ZNF611: variants seen among roughly 807,000 people sequenced by gnomAD.
The protein encoded by ZNF611 is zinc finger protein 611.
A neutral mutation model predicts 8.9 loss-of-function variants in ZNF611; 6 were observed. That is an observed-to-expected ratio of 0.68 (90% CI 0.37 to 1.34). ZNF611 has a LOEUF of 1.34. ZNF611 is among the 40% of genes most tolerant of loss of function. The pLI, the probability that ZNF611 is intolerant of heterozygous loss-of-function variation, is 0.02. For missense variants in ZNF611, 874 were observed against 841.3 expected, an observed-to-expected ratio of 1.04 and a Z score of -0.48; for synonymous variants, 262 against 279.7, an observed-to-expected ratio of 0.94 and a Z score of 0.63.
intron 2 of ZNF611, among the ~76,000 whole-genome samples, chr19:52,729,386 A>C (rs943018020): frequency 2.0e-5 from 3 of 150,704 alleles, no homozygotes; most frequent in African/African-American, 7.3e-5. Context: ...CCAGCTACTC[A>C]GGAGACTGAG....
intron 3 of ZNF611, among the ~76,000 whole-genome samples, chr19:52,716,609 G>C (rs2062319157): frequency 6.6e-6 from 1 of 152,068 alleles, no homozygotes; most frequent in Admixed American, 6.5e-5. Flanking sequence ...TGTGTGTAAG[G>C]AAAATAAATC....
intron 1 of ZNF611, among the ~76,000 whole-genome samples, chr19:52,732,071 C>A (rs528358420): frequency 2.1e-4 from 32 of 151,952 alleles, no homozygotes; most frequent in Non-Finnish European, 7.4e-5. Context: ...GAGATTGAGA[C>A]CATCCTGGCT....
intron 3 of ZNF611, among the ~76,000 whole-genome samples, chr19:52,719,236 T>C (rs139312194): frequency 2.7e-4 from 41 of 152,096 alleles, no homozygotes; most frequent in African/African-American, 9.9e-4. Flanking sequence ...GAAGAGGAAC[T>C]AGAAAAAAGG....
At chr19:52,717,394 G>A (rs1479562966) in intron 3 of ZNF611, among the ~76,000 whole-genome samples, 1 of 152,184 alleles carries the variant, frequency 6.6e-6, no homozygotes, top group Non-Finnish European at 1.5e-5. Context: ...CAGCTGAGGG[G>A]AAGAGAGTCC....
At chr19:52,719,739 C>G (rs1220993256) in intron 3 of ZNF611, among the ~76,000 whole-genome samples, 2 of 152,176 alleles carry the variant, frequency 1.3e-5, no homozygotes, top group Non-Finnish European at 2.9e-5. Context: ...TTATGCCCCT[C>G]TCCTGTTTTG....
chr19:52,714,686 TC>T (rs372628686), intron 4 of ZNF611, among the ~76,000 whole-genome samples: 11,822 of 64,496 alleles, frequency 0.18, 3,752 homozygotes, highest in East Asian at 0.26. Context: ...ACACTCCATC[TC>T]AAAAAACAAA....
At chr19:52,708,322 C>A (rs1309494282) in intron 5 of ZNF611, 1 of 152,008 alleles carries the variant, frequency 6.6e-6, no homozygotes, top group Non-Finnish European at 1.5e-5. Context: ...AGTGAAACCC[C>A]GTCTCTACTA....
chr19:52,719,559 G>A (rs2062340605), intron 3 of ZNF611, among the ~76,000 whole-genome samples: 1 of 152,160 alleles, frequency 6.6e-6, no homozygotes, highest in Non-Finnish European at 1.5e-5. Flanking sequence ...TATAAACAGA[G>A]AAAGCAACAT....
At position 52,704,030 on chromosome 19, in the gene ZNF611, A is replaced by C. The variant is rs1218699068; in HGVS notation, c.*907T>G. ...AAAAACAGGCTGAGAAAAGTGGCTC[A>C]CATCTGTTGGCCATGCTGGTTTCAA... On this transcript the variant is annotated 3_prime_UTR_variant, in exon 6 of 6. Coordinates refer to ENST00000652185, the MANE Select transcript of ZNF611 (RefSeq NM_001161499.2). 3 of 181,616 alleles carry C rather than the reference A, an allele frequency of 1.7e-5. No individual in the cohort carries two copies. Among genetic ancestry groups the C allele is most frequent in the African/African-American group, 7.2e-5 (3 of 41,868 alleles). 11.3% of individuals were successfully genotyped at this position (181,616 alleles called of 1,614,324 possible). A position where few individuals can be genotyped will look rare whatever the true frequency, so the allele number is the denominator to read the frequency against.
chr19:52,711,980 T>C (rs1353904610), intron 5 of ZNF611, among the ~76,000 whole-genome samples: 1 of 152,062 alleles, frequency 6.6e-6, no homozygotes, highest in Non-Finnish European at 1.5e-5. Context: ...GACCAAATCT[T>C]GAGCTTAGAG....
At chr19:52,730,830 C>T (rs900574758) in intron 1 of ZNF611, among the ~76,000 whole-genome samples, 2 of 152,094 alleles carry the variant, frequency 1.3e-5, no homozygotes, top group East Asian at 1.9e-4. Flanking sequence ...GTGATTCACC[C>T]GCATCAGCCT....
chr19:52,704,503 G>C lies in ZNF611; in HGVS notation c.*434C>G, dbSNP rs773598862. On this transcript the variant is annotated 3_prime_UTR_variant, in exon 6 of 6. Transcript: ENST00000652185. ...GGATGAAGCTTGACTGAAGACCTTG[G>C]CACAGTCATGACATTTGTAAGGTTT... is the stretch of plus-strand genomic sequence containing the variant. The C allele has an allele frequency of 1.0e-4, 99 of 993,334 alleles. 1 individual carries two copies. Among genetic ancestry groups the C allele is most frequent in the Middle Eastern group, 2.1e-4 (1 of 4,834 alleles). The allele number at this position is 993,334 out of a possible 1,614,324, so 61.5% of individuals were successfully genotyped here.
intron 3 of ZNF611, among the ~76,000 whole-genome samples, chr19:52,717,884 T>C (rs2062328212): frequency 6.6e-6 from 1 of 152,234 alleles, no homozygotes; most frequent in Non-Finnish European, 1.5e-5. Context: ...TAAAATTATA[T>C]ATCACGTAGT....
In ZNF611 at chr19:52,722,728, C is replaced by T. The variant is rs185097778; in HGVS notation, c.-20+6002G>A. Among the ~76,000 whole-genome samples, 1,198 of 152,178 alleles carry T rather than the reference C, an allele frequency of 7.9e-3. 4 individuals carry two copies. Among genetic ancestry groups the T allele is most frequent in the Non-Finnish European group, 0.014 (925 of 67,994 alleles). Reference sequence around the variant, plus strand: ...TCACACACTCATCTGTATCCAAAGTCCCCCACCCTTTTTTTCTTTTAAAAC... The same window carrying T: ...TCACACACTCATCTGTATCCAAAGTTCCCCACCCTTTTTTTCTTTTAAAAC... On this transcript the variant is annotated intron_variant, in intron 3 of 5. Transcript: ENST00000652185.
In ZNF611 at chr19:52,705,819, C is replaced by T. The variant is rs369701743; in HGVS notation, c.1236G>A (p.Gln412=). Residue 412 remains glutamine, a synonymous_variant, in exon 6 of 6, where the codon CAG becomes CAA. Transcript: ENST00000652185. ...VCDTAFTWHS[Q]LARHRRIHTA... is the part of the protein sequence containing the mutation. ...TATGAATTCTTCTATGTCGAGCCAG[C>T]TGTGAATGCCACGTGAAAGCTGTGT... is the stretch of plus-strand genomic sequence containing the variant. 2.3e-5 allele frequency: 37 copies of T among 1,613,208 alleles called. No homozygotes were observed. Among genetic ancestry groups the T allele is most frequent in the Non-Finnish European group, 3.1e-5 (36 of 1,179,856 alleles).
intron 3 of ZNF611, among the ~76,000 whole-genome samples, chr19:52,717,930 G>A (rs1180016837): frequency 2.0e-5 from 3 of 152,224 alleles, no homozygotes; most frequent in East Asian, 3.9e-4. Flanking sequence ...AGACTAGAAA[G>A]CACACAGACC....
intron 2 of ZNF611, 151 bp from the exon 3 acceptor site, chr19:52,728,982 T>C (rs2062408473): frequency 6.5e-6 from 1 of 152,724 alleles, no homozygotes; most frequent in South Asian, 2.1e-4. Flanking sequence ...TAAGATTCTT[T>C]AATAAATAAA....
chr19:52,731,466 G>A (rs534477835), intron 1 of ZNF611, among the ~76,000 whole-genome samples: 130 of 152,092 alleles, frequency 8.5e-4, no homozygotes, highest in African/African-American at 2.8e-3. Flanking sequence ...TGCCTCCCGG[G>A]TTCAAACAAA....
At chr19:52,714,425 C>T (rs979859854) in intron 4 of ZNF611, among the ~76,000 whole-genome samples, 12 of 151,928 alleles carry the variant, frequency 7.9e-5, no homozygotes, top group Non-Finnish European at 1.2e-4. Flanking sequence ...TGGCAGTTCA[C>T]GCTTGTAATC....
Sources: gnomAD v4.1 joint callset for allele counts (sites outside exome capture counted in the v4.1 genomes callset) on GRCh38, gnomAD v4.1.1 for gene constraint, MANE v1.5 for transcripts, NCBI Gene and HGNC (gene_info 2026-07-23, HGNC 2026-07-21) for gene names.